Variants in N4BP2 observed in about 807,000 individuals in gnomAD.
The protein encoded by N4BP2 is NEDD4-binding protein 2.
In N4BP2, 91 loss-of-function variants were observed where a neutral mutation model predicts 152.8. The observed-to-expected ratio is 0.60, with a 90% confidence interval of 0.50 to 0.71. The LOEUF is 0.71. Among genes scored for constraint, N4BP2 ranks in the 30% least tolerant of loss-of-function variants. The pLI is 0.00. For missense variants in N4BP2, 1,923 were observed against 2,059.1 expected, an observed-to-expected ratio of 0.93 and a Z score of 1.28; for synonymous variants, 646 against 705.3, an observed-to-expected ratio of 0.92 and a Z score of 1.33.
chr4:40,094,551 TTTTA>T (rs1189668068), intron 2 of N4BP2, among the ~76,000 whole-genome samples: 3 of 152,056 alleles, frequency 2.0e-5, no homozygotes, highest in Non-Finnish European at 2.9e-5. Context: ...TCTTTTTTAT[TTTTA>T]TTTATTTATT....
chr4:40,143,963 C>A (rs540130773), intron 15 of N4BP2, among the ~76,000 whole-genome samples: 3 of 152,020 alleles, frequency 2.0e-5, no homozygotes, highest in Non-Finnish European at 4.4e-5. Flanking sequence ...CCAAAGAATT[C>A]GATAGCATAG....
intron 16 of N4BP2, among the ~76,000 whole-genome samples, chr4:40,151,755 T>G (rs1560650295): frequency 6.6e-6 from 1 of 152,186 alleles, no homozygotes; most frequent in Non-Finnish European, 1.5e-5. Context: ...ACATATTGCT[T>G]GAAGTAATGG....
chr4:40,097,292 C>A lies in N4BP2; in HGVS notation c.-49C>A. 1 of 1,514,472 alleles carries A rather than the reference C, an allele frequency of 6.6e-7. No individual in the cohort carries two copies. Among genetic ancestry groups the A allele is most frequent in the South Asian group, 1.1e-5 (1 of 87,580 alleles). 93.8% of individuals were successfully genotyped at this position (1,514,472 alleles called of 1,614,324 possible). ...TTTGTTTGAATTATGACTTAAATGT[C>A]AAACATCTTAACTAAGAAAAGGGAA... On this transcript the variant is annotated 5_prime_UTR_variant, in exon 3 of 18. An upstream open reading frame in the 5' UTR gains an earlier in-frame stop. Transcript: ENST00000261435.
intron 16 of N4BP2, among the ~76,000 whole-genome samples, chr4:40,147,788 C>T (rs1179373191): frequency 2.0e-5 from 3 of 150,422 alleles, no homozygotes; most frequent in Admixed American, 6.6e-5. Context: ...GGCTGCTGGG[C>T]GGAGGGGCTC....
chr4:40,169,566 GA>G, the N4BP2 span, among the ~76,000 whole-genome samples: 1 of 149,020 alleles, frequency 6.7e-6, no homozygotes, highest in African/African-American at 2.5e-5. Flanking sequence ...ACTTTGTAAA[GA>G]AAAAAAGGGA....
Position 40,057,543 on chromosome 4 carries a change from G to C in N4BP2, c.-212+513G>C, listed in dbSNP as rs115783549. ...CAGACACACAGCCACTCACACGTTC[G>C]GATTTTGGAGACTGCGGGGAGACTT... On this transcript the variant is annotated intron_variant, in intron 1 of 17. Coordinates refer to ENST00000261435, the MANE Select transcript of N4BP2 (RefSeq NM_018177.6). 3.3e-3 allele frequency among the ~76,000 whole-genome samples: 501 copies of C among 152,254 alleles called. 6 individuals are homozygous for C. Among genetic ancestry groups the C allele is most frequent in the African/African-American group, 0.012 (482 of 41,554 alleles).
chr4:40,141,980 C>G (rs1049648938), intron 14 of N4BP2, among the ~76,000 whole-genome samples: 1 of 151,856 alleles, frequency 6.6e-6, no homozygotes, highest in East Asian at 1.9e-4. Flanking sequence ...GGCAGGCACT[C>G]GGCAAGCTGA....
intron 16 of N4BP2, among the ~76,000 whole-genome samples, chr4:40,149,902 G>GAAAAAAAAAAAAAAAA (rs534686637): frequency 2.1e-5 from 2 of 95,292 alleles, no homozygotes; most frequent in Non-Finnish European, 4.3e-5. Flanking sequence ...ATCTCAAAAA[G>GAAAAAAAAAAAAAAAA]AAAAAAAAAA....
chr4:40,178,584 A>G, the N4BP2 span, among the ~76,000 whole-genome samples: 1 of 152,198 alleles, frequency 6.6e-6, no homozygotes, highest in African/African-American at 2.4e-5. Flanking sequence ...TTATCATTGT[A>G]AAAAACAATC....
At chr4:40,171,231 C>G in the N4BP2 span, among the ~76,000 whole-genome samples, 2 of 152,246 alleles carry the variant, frequency 1.3e-5, no homozygotes, top group South Asian at 2.1e-4. Flanking sequence ...CATGCTGTCA[C>G]TTTCATCGTT....
chr4:40,111,610 C>T (rs145418246), intron 5 of N4BP2, among the ~76,000 whole-genome samples: 258 of 149,684 alleles, frequency 1.7e-3, no homozygotes, highest in African/African-American at 5.9e-3. Flanking sequence ...TGAGCCACCG[C>T]GCCCGGCCTT....
At chr4:40,103,372 A>G (rs527431859) in intron 4 of N4BP2, among the ~76,000 whole-genome samples, 154 bp downstream of exon 4, 6 of 152,370 alleles carry the variant, frequency 3.9e-5, no homozygotes, top group African/African-American at 1.2e-4. Context: ...TGTGTAGCTA[A>G]TAACACTGTT....
the N4BP2 span, among the ~76,000 whole-genome samples, chr4:40,165,735 A>G: frequency 6.6e-6 from 1 of 152,324 alleles, no homozygotes; most frequent in East Asian, 1.9e-4. Flanking sequence ...TGGGCCCCTT[A>G]TGACTCAGTT....
At chr4:40,164,109 A>G in the N4BP2 span, among the ~76,000 whole-genome samples, 1 of 152,168 alleles carries the variant, frequency 6.6e-6, no homozygotes, top group Non-Finnish European at 1.5e-5. Flanking sequence ...AAAATTCACG[A>G]TGCTGTATGT....
At chr4:40,092,716 T>G (rs1714725644) in intron 2 of N4BP2, among the ~76,000 whole-genome samples, 1 of 150,776 alleles carries the variant, frequency 6.6e-6, no homozygotes, top group Non-Finnish European at 1.5e-5. Context: ...CAATCTCAGC[T>G]CACTGCAGCC....
rs774051705 is a variant in N4BP2 at position 40,120,980 on chromosome 4, A to T, written c.2869A>T (p.Thr957Ser). The change falls in exon 9 of 18, where the codon ACC (threonine) becomes TCC (serine). Residue 957 changes from threonine to serine, a missense_variant. Transcript: ENST00000261435. ...GSSEMLLSEM[T>S]CESQTCLSKK... ...TTCTGAAATGCTGCTCAGTGAAATG[A>T]CCTGTGAGAGTCAGACTTGTCTAAG... is the stretch of plus-strand genomic sequence containing the variant. The T allele has an allele frequency of 1.9e-6, 3 of 1,614,146 alleles. No homozygotes were observed. In the Admixed American group the frequency reaches 5.0e-5, roughly 27 times the overall value.
At chr4:40,149,738 C>CA (rs574743997) in intron 16 of N4BP2, among the ~76,000 whole-genome samples, 2,039 of 149,672 alleles carry the variant, frequency 0.014, 13 homozygotes, top group Non-Finnish European at 0.023. Context: ...ACTAAAAATA[C>CA]AAAAAAAAAT....
At chr4:40,079,179 C>A (rs2109914011) in intron 2 of N4BP2, among the ~76,000 whole-genome samples, 1 of 152,140 alleles carries the variant, frequency 6.6e-6, no homozygotes, top group Non-Finnish European at 1.5e-5. Flanking sequence ...GCCTCGGCCT[C>A]CCAAAGTGCT....
chr4:40,184,450 T>C, the N4BP2 span, among the ~76,000 whole-genome samples: 1 of 152,008 alleles, frequency 6.6e-6, no homozygotes, highest in Non-Finnish European at 1.5e-5. Flanking sequence ...ATAAACTATA[T>C]GAGTACAGCT....
Sources: allele counts gnomAD v4.1 joint callset (sites outside exome capture counted in the v4.1 genomes callset), GRCh38; gene constraint gnomAD v4.1.1; transcripts MANE v1.5; gene names NCBI Gene and HGNC (gene_info 2026-07-23, HGNC 2026-07-21).